Variants in LHPP observed in about 807,000 individuals in gnomAD.
LHPP encodes hLHPP.
LHPP carries 24 observed loss-of-function variants against 30.3 expected under a neutral mutation model. The observed-to-expected ratio is 0.79, with a 90% CI of 0.57 to 1.11. The LOEUF (loss-of-function observed/expected upper bound fraction) is 1.11, where lower values mean the gene tolerates loss of function less well. LHPP is among the 50% of genes most tolerant of loss of function. The probability of loss-of-function intolerance (pLI) is 0.00; values close to 1 mark genes in which losing one functional copy is unlikely to be tolerated. For missense variants in LHPP, 356 were observed against 367.2 expected (o/e 0.97, Z 0.25); for synonymous variants, 150 against 157.1 (o/e 0.95, Z 0.34).
chr10:124,522,726 C>CCG (rs1554886522), intron 6 of LHPP, among the ~76,000 whole-genome samples: 26 of 127,636 alleles, frequency 2.0e-4, no homozygotes, highest in Non-Finnish European at 3.9e-4. Context: ...TGCCCACGCC[C>CCG]CCCCCCAAGC....
intron 6 of LHPP, among the ~76,000 whole-genome samples, chr10:124,529,226 G>A (rs1173131170): frequency 1.3e-5 from 2 of 151,742 alleles, no homozygotes; most frequent in South Asian, 2.1e-4. Context: ...TAGTAGAGAC[G>A]GGGTTTCACT....
At chr10:124,483,360 C>T (rs1953203123) in intron 1 of LHPP, among the ~76,000 whole-genome samples, 1 of 152,088 alleles carries the variant, frequency 6.6e-6, no homozygotes, top group African/African-American at 2.4e-5. Context: ...GTGGAAATGC[C>T]AAATGTGGTG....
chr10:124,509,322 A>G (rs532729599), intron 5 of LHPP, among the ~76,000 whole-genome samples: 31 of 152,184 alleles, frequency 2.0e-4, no homozygotes, highest in Middle Eastern at 3.4e-3. Context: ...ACCATTTCCT[A>G]TTGATGGAGA....
chr10:124,489,920 G>A, intron 3 of LHPP: 1 of 189,296 alleles, frequency 5.3e-6, no homozygotes, highest in Non-Finnish European at 1.1e-5. Context: ...ACTGGCACCA[G>A]GGGGACAGCA....
intron 6 of LHPP, among the ~76,000 whole-genome samples, chr10:124,595,117 G>A (rs1456703782): frequency 1.3e-5 from 2 of 152,230 alleles, no homozygotes; most frequent in Non-Finnish European, 2.9e-5. Flanking sequence ...CTGATGGAAT[G>A]AACTCTCCCC....
At position 124,587,724 on chromosome 10, in the gene LHPP, A is replaced by C. The variant is rs1239195353; in HGVS notation, c.717-25540A>C. ...CACTGCACTCCAGCCTGGGAGACAC[A>C]GCCAGACTCCATCTAAAAAAAAAAA... On this transcript the variant is annotated intron_variant, in intron 6 of 6. Coordinates refer to ENST00000368842, the MANE Select transcript of LHPP (RefSeq NM_022126.4). 6.6e-5 allele frequency among the ~76,000 whole-genome samples: 9 copies of C among 135,832 alleles called. No individual in the cohort carries two copies. In the East Asian group the frequency reaches 2.1e-3, roughly 32 times the overall value. The allele number at this position is 135,832 out of a possible 152,430, so 89.1% of individuals were successfully genotyped here. A position where few individuals can be genotyped will look rare whatever the true frequency, so the allele number is the denominator to read the frequency against.
At chr10:124,495,242 C>T (rs1323822791) in intron 3 of LHPP, among the ~76,000 whole-genome samples, 1 of 152,094 alleles carries the variant, frequency 6.6e-6, no homozygotes, top group Non-Finnish European at 1.5e-5. Context: ...ATCCCTGTGC[C>T]GTGACCCCAG....
At chr10:124,498,660 C>CTTTTTTTTTT (rs552228070) in intron 5 of LHPP, 151 of 354,326 alleles carry the variant, frequency 4.3e-4, no homozygotes, top group East Asian at 8.8e-4. Flanking sequence ...TTTTCTTTTT[C>CTTTTTTTTTT]TTTTTTTTTT....
At chr10:124,582,854 AAG>A (rs1948759794) in intron 6 of LHPP, among the ~76,000 whole-genome samples, 3 of 151,720 alleles carry the variant, frequency 2.0e-5, no homozygotes, top group African/African-American at 7.3e-5. Flanking sequence ...AAAAAAAAAA[AAG>A]AAGAAGAAAA....
intron 6 of LHPP, among the ~76,000 whole-genome samples, chr10:124,577,397 C>T (rs1948677832): frequency 6.6e-6 from 1 of 152,094 alleles, no homozygotes; most frequent in African/African-American, 2.4e-5. Context: ...TGGAATGAGT[C>T]CACCCTGAGA....
In LHPP at chr10:124,466,665, C is replaced by G. The variant is rs1308985565; in HGVS notation, c.125+4678C>G. On this transcript the variant is annotated intron_variant, in intron 1 of 6. Transcript: ENST00000368842. ...AGAGATGGGGTTTTGCCACATTGGC[C>G]AGGCTGGTTTCGAACTCCTGACCTC... Among the ~76,000 whole-genome samples, 10 of 152,044 alleles carry G rather than the reference C, an allele frequency of 6.6e-5. No homozygotes were observed. The East Asian group carries it at 1.9e-3, about 30-fold the overall frequency.
At chr10:124,490,657 T>G (rs979904027) in intron 3 of LHPP, 1 of 178,456 alleles carries the variant, frequency 5.6e-6, no homozygotes, top group African/African-American at 2.4e-5. Context: ...GGCATCTAGA[T>G]TGTTCCTGGT....
intron 3 of LHPP, among the ~76,000 whole-genome samples, chr10:124,492,868 T>G (rs562904630): frequency 9.1e-4 from 139 of 152,324 alleles, no homozygotes; most frequent in Non-Finnish European, 1.6e-3. Context: ...CTGCTGTAAT[T>G]CGTTAATGTT....
intron 6 of LHPP, among the ~76,000 whole-genome samples, chr10:124,536,767 A>T (rs1955038694): frequency 6.6e-6 from 1 of 152,194 alleles, no homozygotes. Context: ...GAATCCTGAG[A>T]TACTTAAATT....
intron 6 of LHPP, among the ~76,000 whole-genome samples, chr10:124,519,394 GT>G (rs1172036506): frequency 1.3e-5 from 2 of 152,098 alleles, no homozygotes; most frequent in East Asian, 3.9e-4. Flanking sequence ...CTTGAACACT[GT>G]TTTATGGCCT....
At chr10:124,564,743 G>A (rs780537742) in intron 6 of LHPP, among the ~76,000 whole-genome samples, 12 of 152,210 alleles carry the variant, frequency 7.9e-5, no homozygotes, top group African/African-American at 1.4e-4. Flanking sequence ...GCACTGTGCC[G>A]TGGAATTATG....
chr10:124,539,735 CAA>C (rs34308960), intron 6 of LHPP, among the ~76,000 whole-genome samples: 39 of 120,880 alleles, frequency 3.2e-4, no homozygotes, highest in Non-Finnish European at 2.5e-4. Flanking sequence ...AACCCTGTCT[CAA>C]AAAAAAAAAA....
rs141835594 is a variant in LHPP at position 124,568,418 on chromosome 10, C to A, written c.717-44846C>A. Reference sequence around the variant, plus strand: ...GGGTGACCATTCCCCGGCCTCTGCCCCCGGGACAGTTTTGTTCGCTCCTTT... The same window carrying A: ...GGGTGACCATTCCCCGGCCTCTGCCACCGGGACAGTTTTGTTCGCTCCTTT... On this transcript the variant is annotated intron_variant, in intron 6 of 6. Transcript: ENST00000368842. Among the ~76,000 whole-genome samples, 527 of 152,328 alleles carry A rather than the reference C, an allele frequency of 3.5e-3. 4 individuals are homozygous for A. The highest frequency in any genetic ancestry group is 0.012 in the African/African-American group (487 of 41,572).
chr10:124,544,788 A>C (rs35536748), intron 6 of LHPP, among the ~76,000 whole-genome samples: 17,648 of 152,192 alleles, frequency 0.12, 1,412 homozygotes, highest in Non-Finnish European at 0.16. Context: ...GAGATTGCAG[A>C]TGCGATGAGG....
Sources: gnomAD v4.1 joint callset for allele counts (sites outside exome capture counted in the v4.1 genomes callset) on GRCh38, gnomAD v4.1.1 for gene constraint, MANE v1.5 for transcripts, NCBI Gene and HGNC (gene_info 2026-07-23, HGNC 2026-07-21) for gene names.